Variants in BZW2 observed in about 807,000 individuals in gnomAD.
The protein encoded by BZW2 is basic leucine zipper and W2 domains 2, also known as eIF5-mimic protein 1.
A neutral mutation model predicts 53.2 loss-of-function variants in BZW2; 23 were observed. That is an observed-to-expected ratio of 0.43 (90% CI 0.31 to 0.61). The LOEUF is 0.61. Among genes scored for constraint, BZW2 ranks in the 20% least tolerant of loss-of-function variants. The probability of loss-of-function intolerance (pLI) is 0.09; values close to 1 mark genes in which losing one functional copy is unlikely to be tolerated. For missense variants in BZW2, 409 were observed against 503.1 expected, an observed-to-expected ratio of 0.81 and a Z score of 1.79; for synonymous variants, 227 against 186.4, an observed-to-expected ratio of 1.22 and a Z score of -1.77.
intron 11 of BZW2, among the ~76,000 whole-genome samples, chr7:16,705,684 C>CA (rs1180087983): frequency 0.068 from 3,627 of 53,200 alleles, 235 homozygotes; most frequent in African/African-American, 0.2. Context: ...GACTCCATCT[C>CA]AAAAAAAAAA....
intron 9 of BZW2, 36 bp downstream of exon 9, chr7:16,697,097 G>C: frequency 1.3e-6 from 2 of 1,597,816 alleles, no homozygotes; most frequent in Non-Finnish European, 1.7e-6. Context: ...CCCAGCCAAG[G>C]GCAAACTGCA....
rs1167418740 is a variant in BZW2 at position 16,704,816 on chromosome 7, A to G, written c.1231+147A>G. ...GTATCAAACATTTTGCCAACATCTT[A>G]GCTTTCCTTTCTGAAATCACGGCAA... On this transcript the variant is annotated intron_variant, in intron 11 of 11. Transcript: ENST00000258761. 4.9e-6 allele frequency: 4 copies of G among 822,544 alleles called. No homozygotes were observed. The African/African-American group carries it at 5.1e-5, about 10-fold the overall frequency. The allele number at this position is 822,544 out of a possible 1,614,324, so 51.0% of individuals were successfully genotyped here.
At chr7:16,679,706 G>C (rs2128360959) in intron 3 of BZW2, among the ~76,000 whole-genome samples, 1 of 152,328 alleles carries the variant, frequency 6.6e-6, no homozygotes, top group African/African-American at 2.4e-5. Flanking sequence ...CTAATGAGTA[G>C]AGAGTGTTTG....
chr7:16,672,203 G>C (rs1162347397), intron 2 of BZW2, among the ~76,000 whole-genome samples: 2 of 152,080 alleles, frequency 1.3e-5, no homozygotes, highest in South Asian at 4.1e-4. Flanking sequence ...CATGTACTTG[G>C]AAACAATCTT....
intron 4 of BZW2, 38 bp downstream of exon 4, chr7:16,681,442 A>C: frequency 1.3e-6 from 2 of 1,522,718 alleles, no homozygotes; most frequent in Non-Finnish European, 1.8e-6. Flanking sequence ...TTTGAAGAGG[A>C]CTGAGGAAAA....
At chr7:16,695,705 C>A (rs963781) in intron 8 of BZW2, among the ~76,000 whole-genome samples, 24,918 of 151,960 alleles carry the variant, frequency 0.16, 2,127 homozygotes, top group Middle Eastern at 0.28. Flanking sequence ...TAATATAAAG[C>A]GTCCTTTCTT....
At chr7:16,681,551 C>T (rs1782946666) in intron 4 of BZW2, 147 bp downstream of exon 4, 2 of 676,768 alleles carry the variant, frequency 3.0e-6, no homozygotes, top group Admixed American at 6.1e-5. Context: ...CAAAAATAGG[C>T]CTAGCAGTGT....
intron 8 of BZW2, chr7:16,695,848 A>C (rs1275464104): frequency 3.9e-5 from 6 of 152,234 alleles, no homozygotes; most frequent in African/African-American, 1.4e-4. Flanking sequence ...TTGGAATGAC[A>C]AATATTCTTA....
At chr7:16,672,958 T>C (rs1782651077) in intron 2 of BZW2, among the ~76,000 whole-genome samples, 1 of 151,058 alleles carries the variant, frequency 6.6e-6, no homozygotes, top group Non-Finnish European at 1.5e-5. Flanking sequence ...CTTTCTTTTT[T>C]TTTTTGAAAC....
intron 1 of BZW2, among the ~76,000 whole-genome samples, chr7:16,652,945 C>T (rs796601943): frequency 1.1e-4 from 17 of 152,310 alleles, no homozygotes; most frequent in African/African-American, 4.1e-4. Flanking sequence ...AATCCAGTCC[C>T]ATGTCATCAG....
chr7:16,674,364 A>C, intron 2 of BZW2, 48 bp from the exon 3 acceptor site: 1 of 1,359,078 alleles, frequency 7.4e-7, no homozygotes, highest in Non-Finnish European at 1.0e-6. Context: ...TTATACTCTC[A>C]GTATTTATTT....
intron 5 of BZW2, among the ~76,000 whole-genome samples, chr7:16,683,051 C>G (rs1783002874): frequency 1.3e-5 from 2 of 151,988 alleles, no homozygotes; most frequent in Non-Finnish European, 1.5e-5. Flanking sequence ...CAAAAATTAC[C>G]CGGGCATGGT....
chr7:16,689,547 G>T (rs747603770), intron 6 of BZW2, among the ~76,000 whole-genome samples: 3 of 152,194 alleles, frequency 2.0e-5, no homozygotes, highest in African/African-American at 4.8e-5. Context: ...AAATAAACTT[G>T]CAGTTAGACC....
Position 16,665,515 on chromosome 7 carries a change from G to T in BZW2, c.58+14G>T. On this transcript the variant is annotated intron_variant, in intron 2 of 11. Transcript: ENST00000258761. ...CTCGGAAAAGGGGTAGGTTGTGTGT[G>T]TGTGTGTGTGTGTGTTTAAAGTTGT... The T allele has an allele frequency of 6.2e-7, 1 of 1,610,878 alleles. No homozygotes were observed. Among genetic ancestry groups the T allele is most frequent in the Non-Finnish European group, 8.5e-7 (1 of 1,177,316 alleles).
chr7:16,689,192 C>G (rs1783224249), intron 6 of BZW2, among the ~76,000 whole-genome samples: 1 of 152,160 alleles, frequency 6.6e-6, no homozygotes, highest in South Asian at 2.1e-4. Context: ...TGCTACTTCA[C>G]TCCAGCCTGG....
chr7:16,655,987 C>T (rs986408714), intron 1 of BZW2, among the ~76,000 whole-genome samples: 52 of 150,528 alleles, frequency 3.5e-4, no homozygotes, highest in African/African-American at 1.2e-3. Flanking sequence ...CTTACAGAAC[C>T]ACAGTGCAAA....
chr7:16,665,481 G>C lies in BZW2; in HGVS notation c.38G>C (p.Arg13Pro). 1 of 1,613,850 alleles carries C rather than the reference G, an allele frequency of 6.2e-7. No homozygotes were observed. The highest frequency in any genetic ancestry group is 1.1e-5 in the South Asian group (1 of 91,076). The change falls in exon 2 of 12, where the codon CGG (arginine) becomes CCG (proline). Residue 13 changes from arginine (R) to proline (P), a missense_variant. Arg to Pro is a moderately radical substitution (Grantham distance 103, BLOSUM62 -2). Around this residue, in one of 3 missense-constraint regions of BZW2, gnomAD observed 316 missense variants for 366.8 expected, o/e 0.86. Transcript: ENST00000258761. The stretch of plus-strand genomic sequence containing the variant: ...CAGAAGCCAGTGCTAACAGGCCAGC[G>C]GTTCAAAACTCGGAAAAGGGGTAGG... The part of the protein sequence containing the change: ...KHQKPVLTGQ[R>P]FKTRKRDEKE...
intron 3 of BZW2, among the ~76,000 whole-genome samples, chr7:16,676,703 T>C (rs1782776961): frequency 6.6e-6 from 1 of 152,196 alleles, no homozygotes; most frequent in Non-Finnish European, 1.5e-5. Flanking sequence ...ATTATTGACT[T>C]CTAGTATTTC....
intron 7 of BZW2, among the ~76,000 whole-genome samples, chr7:16,690,688 G>A (rs1783273994): frequency 6.6e-6 from 1 of 152,170 alleles, no homozygotes; most frequent in South Asian, 2.1e-4. Context: ...AAATACTTAA[G>A]CTGTTGCAGA....
Sources: gnomAD v4.1 joint callset for allele counts (sites outside exome capture counted in the v4.1 genomes callset) on GRCh38, gnomAD v4.1.1 for gene constraint, gnomAD v4.1.1 regional missense constraint, MANE v1.5 for transcripts, NCBI Gene and HGNC (gene_info 2026-07-23, HGNC 2026-07-21) for gene names.